Variants in FBXO34 observed in about 807,000 individuals in gnomAD.
FBXO34 encodes the protein F-box protein 34, also known as F-box only protein 34.
A neutral mutation model predicts 24.5 loss-of-function variants in FBXO34; 12 were observed. The ratio of observed to expected loss-of-function variants is 0.49; its 90% CI spans 0.31 to 0.79. FBXO34 has a LOEUF of 0.79. Among genes scored for constraint, FBXO34 ranks in the 30% least tolerant of loss-of-function variants. FBXO34 has a pLI of 0.04. For missense variants in FBXO34, 823 were observed against 857.7 expected (o/e 0.96, Z 0.51); for synonymous variants, 320 against 311.9 (o/e 1.03, Z -0.27).
chr14:55,416,276 G>C, the FBXO34 span, among the ~76,000 whole-genome samples: 2 of 152,142 alleles, frequency 1.3e-5, no homozygotes, highest in African/African-American at 4.8e-5. Context: ...AATCAGGGAT[G>C]AAGTCCTTAT....
At chr14:55,343,241 AT>A (rs377334751) in intron 1 of FBXO34, among the ~76,000 whole-genome samples, 4,505 of 130,838 alleles carry the variant, frequency 0.034, 133 homozygotes, top group African/African-American at 0.093. Flanking sequence ...TATTCCTCCG[AT>A]TTTTTTTTTT....
the FBXO34 span, among the ~76,000 whole-genome samples, chr14:55,387,770 T>C: frequency 6.6e-6 from 1 of 151,684 alleles, no homozygotes; most frequent in African/African-American, 2.4e-5. Flanking sequence ...CCGGGTTCAA[T>C]TGATTCTCCT....
chr14:55,321,004 A>G (rs544973981), intron 1 of FBXO34, among the ~76,000 whole-genome samples: 123 of 152,256 alleles, frequency 8.1e-4, no homozygotes, highest in African/African-American at 2.8e-3. Context: ...TTTTTTATTC[A>G]TCTTTTGAGA....
the FBXO34 span, among the ~76,000 whole-genome samples, chr14:55,420,335 C>T: frequency 2.6e-5 from 4 of 152,182 alleles, no homozygotes; most frequent in East Asian, 1.9e-4. Context: ...GTGAGCACAA[C>T]GCCTAGCCAG....
At chr14:55,298,077 G>A (rs554640518) in intron 1 of FBXO34, among the ~76,000 whole-genome samples, 2 of 152,272 alleles carry the variant, frequency 1.3e-5, no homozygotes, top group South Asian at 2.1e-4. Flanking sequence ...CCCTCACCAC[G>A]CCCTCTGCTG....
chr14:55,360,239 A>G (rs2140102890), intron 3 of FBXO34, among the ~76,000 whole-genome samples: 1 of 151,862 alleles, frequency 6.6e-6, no homozygotes, highest in South Asian at 2.1e-4. Flanking sequence ...TGCCTGGCTA[A>G]TTTTTGTATT....
chr14:55,314,312 G>A (rs969334006), intron 1 of FBXO34, among the ~76,000 whole-genome samples: 3 of 152,186 alleles, frequency 2.0e-5, no homozygotes, highest in African/African-American at 7.2e-5. Flanking sequence ...GTGTTTATCA[G>A]TTTCTCACAA....
intron 1 of FBXO34, among the ~76,000 whole-genome samples, chr14:55,288,901 A>G (rs889215722): frequency 6.6e-6 from 1 of 152,130 alleles, no homozygotes; most frequent in Non-Finnish European, 1.5e-5. Context: ...AAACACAAAA[A>G]TTAGCCAGGC....
chr14:55,331,671 G>GTATATATATATGTGTA (rs1883544909), intron 1 of FBXO34, among the ~76,000 whole-genome samples: 4 of 45,570 alleles, frequency 8.8e-5, no homozygotes, highest in Non-Finnish European at 1.6e-4. Context: ...CATGGTGTGT[G>GTATATATATATGTGTA]TATATATATA....
rs563887594 is a variant in FBXO34 at position 55,300,192 on chromosome 14, C to T, written c.-11+28655C>T. 2.6e-5 allele frequency among the ~76,000 whole-genome samples: 4 copies of T among 152,306 alleles called. No homozygotes were observed. The East Asian group carries it at 7.7e-4, about 29-fold the overall frequency. On this transcript the variant is annotated intron_variant, in intron 1 of 1. Transcript: ENST00000313833. ...GGATCCATATAAAGTCTCTACCTTG[C>T]AGTTGGTTGGTAATGACCTTTAAGT...
Position 55,350,979 on chromosome 14 carries a change from G to T in FBXO34, c.589G>T (p.Asp197Tyr). 1.9e-6 allele frequency: 3 copies of T among 1,614,224 alleles called. No individual in the cohort carries two copies. Among genetic ancestry groups the T allele is most frequent in the Non-Finnish European group, 2.5e-6 (3 of 1,180,028 alleles). ...CSVHYVSDSG[D>Y]GVYAGRPLSV... ...TGTGCACTATGTGAGTGACAGTGGG[G>T]ATGGAGTCTATGCTGGGAGGCCTCT... The change falls in exon 2 of 2, where the codon GAT (aspartate) becomes TAT (tyrosine). Residue 197 changes from aspartate to tyrosine, a missense_variant. Asp to Tyr is a radical substitution (Grantham distance 160). Coordinates refer to ENST00000313833, the MANE Select transcript of FBXO34 (RefSeq NM_017943.4).
chr14:55,362,835 AT>A (rs557241814), downstream of FBXO34, among the ~76,000 whole-genome samples: 6 of 148,658 alleles, frequency 4.0e-5, no homozygotes, highest in South Asian at 4.3e-4. Flanking sequence ...TGTCTTGACA[AT>A]TTTTTTTTTT....
the FBXO34 span, chr14:55,386,040 GT>G: frequency 6.2e-7 from 1 of 1,614,004 alleles, no homozygotes. Context: ...TGGTGCCGTT[GT>G]GCTCGACTGT....
At chr14:55,330,164 A>C (rs541219837) in intron 1 of FBXO34, among the ~76,000 whole-genome samples, 76 of 152,296 alleles carry the variant, frequency 5.0e-4, no homozygotes, top group South Asian at 2.9e-3. Context: ...ACAAACAGCG[A>C]CTTAAAAATC....
the FBXO34 span, chr14:55,411,894 G>A: frequency 2.6e-3 from 3,581 of 1,393,056 alleles, 6 homozygotes; most frequent in Non-Finnish European, 3.2e-3. Context: ...CAGGAGGAGG[G>A]GCCTGGGGAA....
the FBXO34 span, among the ~76,000 whole-genome samples, chr14:55,402,927 AT>A: frequency 6.6e-3 from 59 of 8,904 alleles, no homozygotes; most frequent in Non-Finnish European, 8.2e-3. Flanking sequence ...AAAAAAAAAA[AT>A]ATATATATAT....
chr14:55,293,819 T>A (rs910989462), intron 1 of FBXO34, among the ~76,000 whole-genome samples: 4 of 145,074 alleles, frequency 2.8e-5, no homozygotes, highest in African/African-American at 1.0e-4. Flanking sequence ...AATGAATGAA[T>A]TTTTATGAAG....
chr14:55,410,804 G>A, the FBXO34 span, among the ~76,000 whole-genome samples: 4 of 152,204 alleles, frequency 2.6e-5, no homozygotes, highest in African/African-American at 7.2e-5. Flanking sequence ...CAGAATGCTA[G>A]CTATCTTACT....
intron 1 of FBXO34, among the ~76,000 whole-genome samples, chr14:55,275,664 A>T (rs1490414419): frequency 6.6e-6 from 1 of 151,664 alleles, no homozygotes; most frequent in Non-Finnish European, 1.5e-5. Context: ...AAAAAAAAAA[A>T]ATACAAAAAA....
Sources: gnomAD v4.1 joint callset for allele counts (sites outside exome capture counted in the v4.1 genomes callset) on GRCh38, gnomAD v4.1.1 for gene constraint, MANE v1.5 for transcripts, NCBI Gene and HGNC (gene_info 2026-07-23, HGNC 2026-07-21) for gene names.